CEP162: variants seen among roughly 807,000 people sequenced by gnomAD.
The protein encoded by CEP162 is centrosomal protein 162, also known as centrosomal protein of 162 kDa.
In CEP162, 141 loss-of-function variants were observed where a neutral mutation model predicts 169.2. That is an observed-to-expected ratio of 0.83 (90% confidence interval 0.73 to 0.96). CEP162 has a LOEUF of 0.96. Ranked by LOEUF, CEP162 falls within the 40% of genes least tolerant of loss-of-function variation. The probability of loss-of-function intolerance (pLI) is 0.00; values close to 1 mark genes in which losing one functional copy is unlikely to be tolerated. For missense variants in CEP162, 1,600 were observed against 1,587.2 expected, an observed-to-expected ratio of 1.01 and a Z score of -0.14; for synonymous variants, 540 against 526.4, an observed-to-expected ratio of 1.03 and a Z score of -0.35.
At chr6:84,223,947 C>T (rs559080861) in intron 2 of CEP162, among the ~76,000 whole-genome samples, 1 of 151,824 alleles carries the variant, frequency 6.6e-6, no homozygotes, top group Admixed American at 6.6e-5. Flanking sequence ...TAAACTAATA[C>T]ACTACTAGTG....
chr6:84,134,913 CATAT>C (rs748205173), intron 25 of CEP162, among the ~76,000 whole-genome samples: 4 of 89,548 alleles, frequency 4.5e-5, no homozygotes, highest in East Asian at 6.9e-4. Flanking sequence ...ATGAAAAGAT[CATAT>C]ATACACACAC....
intron 22 of CEP162, among the ~76,000 whole-genome samples, chr6:84,154,856 C>T (rs1362097161): frequency 2.0e-5 from 3 of 152,120 alleles, no homozygotes; most frequent in African/African-American, 7.2e-5. Context: ...ATGGAAAACT[C>T]AGAAAGTAAG....
chr6:84,151,272 G>A lies in CEP162; in HGVS notation c.3629+1273C>T, dbSNP rs116390217. ...TTAATGATTTTTAAGCAAGATGACT[G>A]GGGAAGGTTAAAAAAAAGGAAGATT... On this transcript the variant is annotated intron_variant, in intron 23 of 26. Transcript: ENST00000403245. Among the ~76,000 whole-genome samples, 775 of 152,018 alleles carry A rather than the reference G, an allele frequency of 5.1e-3. 6 individuals are homozygous for A. The highest frequency in any genetic ancestry group is 0.018 in the African/African-American group (745 of 41,476).
At chr6:84,154,142 G>A (rs549798657) in intron 22 of CEP162, among the ~76,000 whole-genome samples, 4 of 152,174 alleles carry the variant, frequency 2.6e-5, no homozygotes, top group African/African-American at 9.6e-5. Context: ...GGCAGGAGTG[G>A]GATGGGGCAG....
chr6:84,186,655 C>A lies in CEP162; in HGVS notation c.1110-32G>T, dbSNP rs1008430697. ...AACAAAACAGGACACAGATAATGAACCCTATGTAACAGCTTTTCAAATATC... is the reference window on the plus strand; with the variant it reads ...AACAAAACAGGACACAGATAATGAAACCTATGTAACAGCTTTTCAAATATC... On this transcript the variant is annotated intron_variant, in intron 11 of 26. Transcript: ENST00000403245. The A allele has an allele frequency of 3.9e-6, 6 of 1,537,120 alleles. No individual in the cohort carries two copies. The South Asian group carries it at 7.5e-5, about 19-fold the overall frequency.
At chr6:84,167,213 T>C (rs945336506) in intron 18 of CEP162, among the ~76,000 whole-genome samples, 1 of 152,188 alleles carries the variant, frequency 6.6e-6, no homozygotes, top group South Asian at 2.1e-4. Context: ...TGTGATACTT[T>C]ACATTTCTCT....
intron 7 of CEP162, among the ~76,000 whole-genome samples, chr6:84,202,682 C>A (rs1588866534): frequency 6.6e-6 from 1 of 151,736 alleles, no homozygotes; most frequent in East Asian, 1.9e-4. Flanking sequence ...CATGTGCCAA[C>A]CATGCCCGGC....
chr6:84,145,798 T>C (rs1324105901), intron 25 of CEP162, among the ~76,000 whole-genome samples: 1 of 152,158 alleles, frequency 6.6e-6, no homozygotes, highest in Non-Finnish European at 1.5e-5. Flanking sequence ...TATTGCTGCG[T>C]GTCTTATAAC....
chr6:84,197,825 C>CAAAAAAAA (rs564556727), intron 9 of CEP162, among the ~76,000 whole-genome samples: 6 of 64,184 alleles, frequency 9.3e-5, no homozygotes, highest in Admixed American at 1.6e-4. Flanking sequence ...TCAAACAAAA[C>CAAAAAAAA]AAAAAAAAAA....
intron 23 of CEP162, among the ~76,000 whole-genome samples, chr6:84,151,264 A>G (rs575665236): frequency 6.6e-6 from 1 of 152,226 alleles, no homozygotes; most frequent in South Asian, 2.1e-4. Context: ...TTTTTAAGCA[A>G]GATGACTGGG....
At chr6:84,205,519 G>A (rs1325056168) in intron 6 of CEP162, among the ~76,000 whole-genome samples, 2 of 152,092 alleles carry the variant, frequency 1.3e-5, no homozygotes, top group Non-Finnish European at 2.9e-5. Flanking sequence ...AAATTCAACA[G>A]CCCTTCATGC....
intron 13 of CEP162, among the ~76,000 whole-genome samples, chr6:84,176,621 A>G (rs774481828): frequency 2.6e-4 from 39 of 152,230 alleles, no homozygotes; most frequent in Non-Finnish European, 5.3e-4. Flanking sequence ...TGACGCTCAT[A>G]GAAAAATGCT....
intron 9 of CEP162, among the ~76,000 whole-genome samples, chr6:84,195,496 C>A (rs1438044671): frequency 1.3e-5 from 2 of 152,224 alleles, no homozygotes; most frequent in East Asian, 3.8e-4. Flanking sequence ...TCCAACTTTG[C>A]AATCCAATGT....
At position 84,153,033 on chromosome 6, in the gene CEP162, G is replaced by A. The variant is rs140046798; in HGVS notation, c.3141C>T (p.Ala1047=). 191 of 1,613,328 alleles carry A rather than the reference G, an allele frequency of 1.2e-4. No individual in the cohort carries two copies. Among genetic ancestry groups the A allele is most frequent in the Middle Eastern group, 9.9e-4 (6 of 6,060 alleles). Residue 1047 remains alanine (A), a synonymous_variant, in exon 23 of 27, where the codon GCC becomes GCT. Transcript: ENST00000403245. Reference sequence around the variant, plus strand: ...TCTGATGTTTAAGAACGTCTATTTCGGCTTCAAGGTTTCTTACAGTGATCT... The same window carrying A: ...TCTGATGTTTAAGAACGTCTATTTCAGCTTCAAGGTTTCTTACAGTGATCT... ...AHQITVRNLE[A]EIDVLKHQNA... is the part of the protein sequence containing the mutation.
intron 13 of CEP162, among the ~76,000 whole-genome samples, chr6:84,177,812 C>T (rs1376874685): frequency 1.3e-5 from 2 of 152,316 alleles, no homozygotes; most frequent in South Asian, 2.1e-4. Flanking sequence ...GCTGGGATTA[C>T]AGGTGTGAGT....
Position 84,192,583 on chromosome 6 carries a change from G to A in CEP162, c.1109+1026C>T, listed in dbSNP as rs181443815. ...TCACACAAATGTAGAAACAAGGCCA[G>A]GAGATCACCACATGTGGATTTACAT... On this transcript the variant is annotated intron_variant, in intron 11 of 26. Transcript: ENST00000403245. Among the ~76,000 whole-genome samples the A allele has an allele frequency of 4.0e-4, 61 of 152,306 alleles. 1 individual carries two copies. Among genetic ancestry groups the A allele is most frequent in the Admixed American group, 3.4e-3 (52 of 15,304 alleles).
intron 18 of CEP162, among the ~76,000 whole-genome samples, chr6:84,168,318 C>T (rs1369019836): frequency 6.6e-6 from 1 of 152,126 alleles, no homozygotes; most frequent in Non-Finnish European, 1.5e-5. Flanking sequence ...CCTACATACA[C>T]ATGCAACCAA....
intron 18 of CEP162, among the ~76,000 whole-genome samples, chr6:84,167,216 A>G (rs144884724): frequency 3.2e-4 from 48 of 152,176 alleles, no homozygotes; most frequent in African/African-American, 1.1e-3. Flanking sequence ...GATACTTTAC[A>G]TTTCTCTATT....
At chr6:84,126,590 G>A in intron 25 of CEP162, 78 bp from the exon 26 acceptor site, 1 of 1,103,772 alleles carries the variant, frequency 9.1e-7, no homozygotes, top group Non-Finnish European at 1.2e-6. Context: ...CAGAATATTT[G>A]TATAAAATTT....
Sources: gnomAD v4.1 joint callset for allele counts (sites outside exome capture counted in the v4.1 genomes callset) on GRCh38, gnomAD v4.1.1 for gene constraint, MANE v1.5 for transcripts, NCBI Gene and HGNC (gene_info 2026-07-23, HGNC 2026-07-21) for gene names.